The following PATJ variants were observed in gnomAD, a reference collection of about 807,000 sequenced individuals.
The protein encoded by PATJ is PATJ crumbs cell polarity complex component, also known as inaD-like protein.
PATJ carries 190 observed loss-of-function variants against 224.9 expected under a neutral mutation model. The ratio of observed to expected loss-of-function variants is 0.84; its 90% CI spans 0.75 to 0.95. PATJ has a LOEUF of 0.95. PATJ is among the 40% of genes least tolerant of loss of function. PATJ has a pLI of 0.00. For missense variants in PATJ, 2,121 were observed against 2,270.3 expected (o/e 0.93, Z 1.34); for synonymous variants, 769 against 820.3 (o/e 0.94, Z 1.07).
At chr1:61,862,506 A>T (rs1481483575) in intron 19 of PATJ, among the ~76,000 whole-genome samples, 2 of 152,082 alleles carry the variant, frequency 1.3e-5, no homozygotes, top group Non-Finnish European at 2.9e-5. Flanking sequence ...CTATTTTTTT[A>T]AAACTAAATT....
intron 31 of PATJ, among the ~76,000 whole-genome samples, chr1:62,065,516 G>A (rs1656265005): frequency 2.0e-5 from 3 of 152,116 alleles, no homozygotes; most frequent in Admixed American, 2.0e-4. Context: ...AGAGGCTGAG[G>A]CAAATCGCTT....
At chr1:61,868,931 C>T (rs1255098827) in intron 20 of PATJ, among the ~76,000 whole-genome samples, 7 of 152,068 alleles carry the variant, frequency 4.6e-5, no homozygotes, top group Non-Finnish European at 8.8e-5. Flanking sequence ...TTTATTTATA[C>T]ACACATGAAC....
At chr1:61,873,481 A>T (rs981531616) in intron 20 of PATJ, among the ~76,000 whole-genome samples, 1 of 152,206 alleles carries the variant, frequency 6.6e-6, no homozygotes, top group African/African-American at 2.4e-5. Flanking sequence ...AAAATTTTTT[A>T]AAATATAAAA....
Position 62,114,120 on chromosome 1 carries a change from A to G in PATJ, c.4529A>G (p.Gln1510Arg), listed in dbSNP as rs1293030663. The change falls in exon 35 of 44, where the codon CAG becomes CGG. Residue 1510 changes from glutamine to arginine, a missense_variant. Transcript: ENST00000642238. ...EAITALRQTP[Q>R]KVRLVVYRDE... is the part of the protein sequence containing the mutation. ...ATCACAGCCCTGAGGCAGACCCCCC[A>G]GAAGGTGCGGCTGGTGGTGTATAGA... The G allele has an allele frequency of 6.2e-7, 1 of 1,614,136 alleles. No individual in the cohort carries two copies. The highest frequency in any genetic ancestry group is 1.1e-5 in the South Asian group (1 of 91,088).
intron 41 of PATJ, among the ~76,000 whole-genome samples, chr1:62,143,680 C>A (rs993369332): frequency 6.6e-6 from 1 of 152,040 alleles, no homozygotes; most frequent in East Asian, 1.9e-4. Flanking sequence ...GAACTCTTTA[C>A]CTCAGGTGAT....
At chr1:61,978,359 AG>A (rs1276543447) in intron 27 of PATJ, among the ~76,000 whole-genome samples, 1 of 151,280 alleles carries the variant, frequency 6.6e-6, no homozygotes, top group Non-Finnish European at 1.5e-5. Context: ...TCTGTCTCCT[AG>A]GTTCAAGCGA....
chr1:61,908,341 C>A, intron 24 of PATJ, 31 bp from the exon 25 acceptor site: 2 of 1,409,374 alleles, frequency 1.4e-6, no homozygotes, highest in South Asian at 1.2e-5. Context: ...TAGTGCTGTT[C>A]TAATTGAAAT....
rs376817109 is a variant in PATJ, at chr1:61,927,837, C to A, written c.3670+8C>A. ...AAGATGCCTTTACCGACCGTGAGTG[C>A]CTTTTCACTATTTAGGGTAGATGCA... On this transcript the variant is annotated splice_region_variant and intron_variant, in intron 27 of 43. Transcript: ENST00000642238. 5.7e-6 allele frequency: 9 copies of A among 1,579,650 alleles called. No individual in the cohort carries two copies. Among genetic ancestry groups the A allele is most frequent in the Non-Finnish European group, 6.1e-6 (7 of 1,151,016 alleles).
At chr1:61,991,517 A>G in intron 28 of PATJ, 1 of 985,326 alleles carries the variant, frequency 1.0e-6, no homozygotes, top group Non-Finnish European at 1.2e-6. Context: ...GTCATCCATA[A>G]TTTTACTTGC....
chr1:61,926,738 G>A (rs1266131633), intron 26 of PATJ, among the ~76,000 whole-genome samples: 1 of 152,046 alleles, frequency 6.6e-6, no homozygotes, highest in Non-Finnish European at 1.5e-5. Flanking sequence ...AAGTAAATAT[G>A]GGTGTGTGCT....
chr1:61,908,272 T>C, intron 24 of PATJ, 100 bp from the exon 25 acceptor site: 3 of 768,598 alleles, frequency 3.9e-6, no homozygotes, highest in Non-Finnish European at 6.6e-6. Context: ...CATTAGACTC[T>C]GGTTGTTCTT....
chr1:62,155,800 G>GT (rs1461185072), intron 43 of PATJ, among the ~76,000 whole-genome samples: 1 of 151,738 alleles, frequency 6.6e-6, no homozygotes, highest in African/African-American at 2.4e-5. Context: ...GCTCATGCCT[G>GT]TAATCCCAGC....
chr1:62,056,975 C>A (rs139128541), intron 31 of PATJ, among the ~76,000 whole-genome samples: 2 of 152,062 alleles, frequency 1.3e-5, no homozygotes, highest in African/African-American at 4.8e-5. Flanking sequence ...TACAGGCATG[C>A]GCCACCAGGC....
intron 8 of PATJ, among the ~76,000 whole-genome samples, chr1:61,788,316 C>G (rs1012682876): frequency 1.4e-4 from 22 of 152,008 alleles, no homozygotes; most frequent in African/African-American, 5.1e-4. Flanking sequence ...TCACTGGTAG[C>G]CACAGGCTGG....
chr1:61,746,456 G>T (rs865812411), intron 1 of PATJ, among the ~76,000 whole-genome samples: 1 of 152,144 alleles, frequency 6.6e-6, no homozygotes, highest in Non-Finnish European at 1.5e-5. Flanking sequence ...AAAAAGGAGC[G>T]AATGAAAGGA....
intron 28 of PATJ, among the ~76,000 whole-genome samples, chr1:61,999,843 G>C (rs12751120): frequency 0.18 from 27,735 of 151,984 alleles, 2,672 homozygotes; most frequent in Non-Finnish European, 0.21. Flanking sequence ...GAAAGTAGTA[G>C]TGTGCTGAGG....
rs1353004860 is a variant in PATJ, at chr1:62,074,219, A to AG, written c.4126-5225dup. Among the ~76,000 whole-genome samples the AG allele has an allele frequency of 9.5e-5, 7 of 73,850 alleles. No homozygotes were observed. In the Admixed American group the frequency reaches 1.0e-3, roughly 11 times the overall value. The allele number at this position is 73,850 out of a possible 152,430, so 48.4% of individuals were successfully genotyped here. A position where few individuals can be genotyped will look rare whatever the true frequency, so the allele number is the denominator to read the frequency against. ...CCAAATTAAAAAAAATAGTGGGGGG[A>AG]GGGGGGAGGGATAGCATTAGGAGAT... On this transcript the variant is annotated intron_variant, in intron 31 of 43. Coordinates refer to ENST00000642238, the MANE Select transcript of PATJ (RefSeq NM_001350145.3).
Position 62,013,919 on chromosome 1 carries a change from G to A in PATJ, c.3868-3937G>A, listed in dbSNP as rs1021544239. 7.2e-5 allele frequency among the ~76,000 whole-genome samples: 11 copies of A among 152,218 alleles called. No individual in the cohort carries two copies. The East Asian group carries it at 1.9e-3, about 27-fold the overall frequency. ...TTCCCAAGTAGCTGGGACCACAGGC[G>A]CCTGACACGATGCCCAGCTAATTTT... On this transcript the variant is annotated intron_variant, in intron 28 of 43. Coordinates refer to ENST00000642238, the MANE Select transcript of PATJ (RefSeq NM_001350145.3).
intron 10 of PATJ, 69 bp from the exon 11 acceptor site, chr1:61,797,218 C>T: frequency 6.7e-7 from 1 of 1,486,188 alleles, no homozygotes; most frequent in South Asian, 1.2e-5. Context: ...TCATTTTATT[C>T]AGTGTTGCCA....
Sources: gnomAD v4.1 joint callset for allele counts (sites outside exome capture counted in the v4.1 genomes callset) on GRCh38, gnomAD v4.1.1 for gene constraint, MANE v1.5 for transcripts, NCBI Gene and HGNC (gene_info 2026-07-23, HGNC 2026-07-21) for gene names.